ANO3: variants seen among roughly 807,000 people sequenced by gnomAD.
The protein encoded by ANO3 is anoctamin-3.
Under a neutral mutation model 144.8 loss-of-function variants are expected in ANO3, and 99 were observed. The ratio of observed to expected loss-of-function variants is 0.68; its 90% CI spans 0.58 to 0.81. The LOEUF (loss-of-function observed/expected upper bound fraction) is 0.81, where lower values mean the gene tolerates loss of function less well. Ranked by LOEUF, ANO3 falls within the 30% of genes least tolerant of loss-of-function variation. The pLI is 0.00. For synonymous variants in ANO3, 414 were observed against 392.6 expected, an observed-to-expected ratio of 1.05 and a Z score of -0.64; for missense variants, 905 against 1,202.2, an observed-to-expected ratio of 0.75 and a Z score of 3.66.
chr11:26,495,017 T>C (rs1860871102), intron 4 of ANO3, among the ~76,000 whole-genome samples: 1 of 152,142 alleles, frequency 6.6e-6, no homozygotes, highest in African/African-American at 2.4e-5. Flanking sequence ...GCTGGAGCCA[T>C]AAATAATCTT....
intron 3 of ANO3, among the ~76,000 whole-genome samples, chr11:26,452,739 G>C (rs1278060099): frequency 6.6e-6 from 1 of 152,042 alleles, no homozygotes; most frequent in African/African-American, 2.4e-5. Context: ...ACACCACAAA[G>C]ATACTCCTCG....
intron 1 of ANO3, among the ~76,000 whole-genome samples, chr11:26,360,157 T>TC (rs397689184): frequency 9.4e-5 from 14 of 149,410 alleles, no homozygotes; most frequent in Admixed American, 2.0e-4. Context: ...AGTTTTTTTT[T>TC]CTTCACTGCT....
chr11:26,220,929 A>C (rs2133792194), intron 1 of ANO3, among the ~76,000 whole-genome samples: 1 of 152,252 alleles, frequency 6.6e-6, no homozygotes, highest in South Asian at 2.1e-4. Context: ...GCCTACAGAT[A>C]AAGATGTGGC....
chr11:26,378,970 C>A (rs202150018), intron 1 of ANO3, among the ~76,000 whole-genome samples: 92 of 137,842 alleles, frequency 6.7e-4, no homozygotes, highest in African/African-American at 7.9e-4. Context: ...ACAACTTCTC[C>A]AAAAAAAAAA....
chr11:26,408,746 C>G (rs1055043208), intron 1 of ANO3, among the ~76,000 whole-genome samples: 3 of 151,056 alleles, frequency 2.0e-5, no homozygotes, highest in African/African-American at 7.3e-5. Context: ...CAATGATAGA[C>G]TGGATTAAGA....
rs557960140 is a variant in ANO3 at position 26,605,050 on chromosome 11, T to A, written c.1836+5336T>A. On this transcript the variant is annotated intron_variant, in intron 17 of 26. Coordinates refer to ENST00000256737, the MANE Select transcript of ANO3 (RefSeq NM_031418.4). ...CATTCAATGTGATATTGGCTGTGGG[T>A]TTTTCATAAGTAGCTCTTATTATTT... Among the ~76,000 whole-genome samples the A allele has an allele frequency of 3.9e-5, 6 of 152,210 alleles. No homozygotes were observed. In the South Asian group the frequency reaches 1.2e-3, roughly 32 times the overall value.
At chr11:26,372,821 G>A (rs749951791) in intron 1 of ANO3, among the ~76,000 whole-genome samples, 3 of 152,078 alleles carry the variant, frequency 2.0e-5, no homozygotes, top group Non-Finnish European at 2.9e-5. Flanking sequence ...AGAGTGAATA[G>A]TTGAAATATT....
intron 17 of ANO3, among the ~76,000 whole-genome samples, chr11:26,614,394 G>A (rs188168064): frequency 2.6e-5 from 4 of 152,306 alleles, no homozygotes; most frequent in Admixed American, 2.6e-4. Context: ...TATGTTCTGG[G>A]CAGCTGAGGT....
chr11:26,386,294 A>G (rs12270756), intron 1 of ANO3, among the ~76,000 whole-genome samples: 40,409 of 152,096 alleles, frequency 0.27, 6,025 homozygotes, highest in African/African-American at 0.4. Flanking sequence ...AAGTATATAA[A>G]TGGAGGATGT....
At chr11:26,236,259 A>G (rs753008143) in intron 1 of ANO3, among the ~76,000 whole-genome samples, 2 of 152,180 alleles carry the variant, frequency 1.3e-5, no homozygotes, top group Non-Finnish European at 2.9e-5. Flanking sequence ...ATAAATTCCT[A>G]GAACTGAAGT....
intron 7 of ANO3, among the ~76,000 whole-genome samples, chr11:26,530,066 A>C (rs6484219): frequency 0.041 from 6,210 of 152,244 alleles, 284 homozygotes; most frequent in African/African-American, 0.11. Flanking sequence ...CTGCATTTTA[A>C]CAAGATAATC....
intron 3 of ANO3, among the ~76,000 whole-genome samples, chr11:26,462,126 A>G (rs1859417481): frequency 6.6e-6 from 1 of 152,014 alleles, no homozygotes; most frequent in Non-Finnish European, 1.5e-5. Context: ...ACTATAAACA[A>G]AATTGTTTTT....
chr11:26,380,441 C>T (rs7101383), intron 1 of ANO3, among the ~76,000 whole-genome samples: 40,629 of 152,028 alleles, frequency 0.27, 6,102 homozygotes, highest in African/African-American at 0.41. Context: ...GTATTGCTCA[C>T]AGTTCTGGAG....
chr11:26,342,263 G>A (rs1855382518), intron 1 of ANO3, among the ~76,000 whole-genome samples: 1 of 152,128 alleles, frequency 6.6e-6, no homozygotes, highest in Admixed American at 6.5e-5. Flanking sequence ...CTAAATGCAT[G>A]TGCTATGGTC....
At chr11:26,421,370 T>C (rs1428163793) in intron 1 of ANO3, among the ~76,000 whole-genome samples, 12 of 152,020 alleles carry the variant, frequency 7.9e-5, no homozygotes, top group Admixed American at 7.9e-4. Flanking sequence ...TTTTCTTCAG[T>C]GATTATTATA....
rs147487995 is a variant in ANO3 at position 26,370,459 on chromosome 11, C to T, written c.46+38138C>T. The stretch of plus-strand genomic sequence containing the variant: ...GAGAATGAATACAGTAAATTGGTAC[C>T]ACAGAGAGTAGGGCACTGCTGCAAA... On this transcript the variant is annotated intron_variant, in intron 1 of 26. Transcript: ENST00000256737. 2.4e-3 allele frequency among the ~76,000 whole-genome samples: 366 copies of T among 152,106 alleles called. 1 individual carries two copies. Among genetic ancestry groups the T allele is most frequent in the African/African-American group, 8.1e-3 (337 of 41,500 alleles).
chr11:26,285,505 T>C (rs955870495), intron 1 of ANO3, among the ~76,000 whole-genome samples: 1 of 152,214 alleles, frequency 6.6e-6, no homozygotes, highest in African/African-American at 2.4e-5. Flanking sequence ...TGAATCTCTG[T>C]TTCTTATAAA....
chr11:26,289,806 G>T (rs1053860322), intron 1 of ANO3, among the ~76,000 whole-genome samples: 1 of 149,358 alleles, frequency 6.7e-6, no homozygotes. Flanking sequence ...ATATGTGTGT[G>T]TATATATGTA....
intron 1 of ANO3, among the ~76,000 whole-genome samples, chr11:26,399,146 TC>T (rs1857087412): frequency 1.3e-5 from 2 of 151,868 alleles, no homozygotes; most frequent in Non-Finnish European, 2.9e-5. Flanking sequence ...CTGCCCAACC[TC>T]ACCTTTTTTT....
Sources: allele counts gnomAD v4.1 joint callset (sites outside exome capture counted in the v4.1 genomes callset), GRCh38; gene constraint gnomAD v4.1.1; transcripts MANE v1.5; gene names NCBI Gene and HGNC (gene_info 2026-07-23, HGNC 2026-07-21).